Variants in PCDH7 observed in about 807,000 individuals in gnomAD.
PCDH7 encodes the protein protocadherin 7, also known as protocadherin-7.
A neutral mutation model predicts 58.9 loss-of-function variants in PCDH7; 17 were observed. That is an observed-to-expected ratio of 0.29 (90% CI 0.20 to 0.43). The LOEUF is 0.43. Among genes scored for constraint, PCDH7 ranks in the 20% least tolerant of loss-of-function variants. PCDH7 has a pLI of 1.00. For synonymous variants in PCDH7, 664 were observed against 616.4 expected (o/e 1.08, Z -1.14); for missense variants, 1,274 against 1,441.0 (o/e 0.88, Z 1.88).
Position 30,721,506 on chromosome 4 carries a change from G to T in PCDH7, c.84G>T (p.Ala28=), listed in dbSNP as rs780054863. 1.9e-6 allele frequency: 3 copies of T among 1,599,014 alleles called. No individual in the cohort carries two copies. The highest frequency in any genetic ancestry group is 2.5e-6 in the Non-Finnish European group (3 of 1,178,402). The stretch of plus-strand genomic sequence containing the variant: ...TCCTGCCGCTCTCGCTCAGCCTGGC[G>T]GCCGCCAAGCAGCTCCTCCGGTACC... The change falls in exon 1 of 2, where the codon GCG becomes GCT. Residue 28 remains alanine, a synonymous_variant. Transcript: ENST00000361762. This position sits in a 1 kb window ranked among gnomAD's most constrained non-coding sequence, Gnocchi z 6.7.
At chr4:30,892,066 T>G (rs1005400422) in intron 1 of PCDH7, among the ~76,000 whole-genome samples, 2 of 152,040 alleles carry the variant, frequency 1.3e-5, no homozygotes, top group Non-Finnish European at 2.9e-5. Context: ...AAATTTCTGT[T>G]TATGTTGCTT....
intron 1 of PCDH7, among the ~76,000 whole-genome samples, chr4:30,911,577 A>G (rs1429548077): frequency 1.3e-5 from 2 of 152,170 alleles, no homozygotes; most frequent in Admixed American, 6.5e-5. Context: ...GAGGAACCAC[A>G]ATTTGTGTTT....
intron 1 of PCDH7, among the ~76,000 whole-genome samples, chr4:30,868,318 A>G (rs1427231313): frequency 1.3e-5 from 2 of 152,130 alleles, no homozygotes; most frequent in African/African-American, 2.4e-5. Context: ...GCATGCTAGC[A>G]TCATACAAAA....
At chr4:30,950,342 A>G (rs1454348537) in intron 3 of PCDH7, 4 of 152,480 alleles carry the variant, frequency 2.6e-5, no homozygotes, top group African/African-American at 7.2e-5. Flanking sequence ...GAATTGTTCA[A>G]CTTGAGTTTA....
chr4:30,865,330 C>T (rs749474064), intron 1 of PCDH7, among the ~76,000 whole-genome samples: 3 of 151,734 alleles, frequency 2.0e-5, no homozygotes, highest in Non-Finnish European at 4.4e-5. Flanking sequence ...GGAGAGTGAT[C>T]GATATTTATA....
intron 1 of PCDH7, among the ~76,000 whole-genome samples, chr4:30,820,018 A>C (rs1484456387): frequency 6.6e-6 from 1 of 152,154 alleles, no homozygotes; most frequent in East Asian, 1.9e-4. Flanking sequence ...CAATTAAGAG[A>C]GTAAAAATGC....
chr4:30,894,498 TATATATATATATA>T (rs1323427144), intron 1 of PCDH7, among the ~76,000 whole-genome samples: 1 of 31,006 alleles, frequency 3.2e-5, no homozygotes, highest in Non-Finnish European at 5.7e-5. Context: ...AAAATATATA[TATATATATATATA>T]TATATACACA....
At chr4:30,946,680 C>T (rs1746720765) in intron 2 of PCDH7, among the ~76,000 whole-genome samples, 1 of 118,382 alleles carries the variant, frequency 8.4e-6, no homozygotes, top group Non-Finnish European at 1.8e-5. Flanking sequence ...TATTTAACGC[C>T]TTATCTCTTT....
chr4:30,933,719 T>C (rs1303106306), intron 2 of PCDH7, among the ~76,000 whole-genome samples: 1 of 152,234 alleles, frequency 6.6e-6, no homozygotes, highest in East Asian at 1.9e-4. Flanking sequence ...TACCTGCTGT[T>C]ACTCTTGTGT....
chr4:30,879,107 G>T (rs185085214), intron 1 of PCDH7, among the ~76,000 whole-genome samples: 423 of 141,990 alleles, frequency 3.0e-3, no homozygotes, highest in Non-Finnish European at 4.8e-3. Flanking sequence ...GGAGATGGAG[G>T]TTTCTCTGGA....
At chr4:30,793,349 G>C (rs904906524) in intron 1 of PCDH7, among the ~76,000 whole-genome samples, 1 of 152,130 alleles carries the variant, frequency 6.6e-6, no homozygotes, top group Non-Finnish European at 1.5e-5. Context: ...GGATTAAAGA[G>C]CATGATTAGA....
chr4:30,979,830 A>T (rs1406721479), intron 3 of PCDH7, among the ~76,000 whole-genome samples: 1 of 151,960 alleles, frequency 6.6e-6, no homozygotes, highest in Non-Finnish European at 1.5e-5. Context: ...ATTGAGCCTG[A>T]TTTTTCAATA....
intron 3 of PCDH7, among the ~76,000 whole-genome samples, chr4:31,072,614 T>C (rs1398658650): frequency 6.6e-6 from 1 of 151,900 alleles, no homozygotes; most frequent in East Asian, 1.9e-4. Flanking sequence ...ACTTTAAGAG[T>C]GAGGAACACC....
At chr4:30,977,019 T>A (rs1750132904) in intron 3 of PCDH7, among the ~76,000 whole-genome samples, 1 of 152,200 alleles carries the variant, frequency 6.6e-6, no homozygotes, top group Non-Finnish European at 1.5e-5. Context: ...ATTGAAAATA[T>A]ATGGTTATTT....
intron 3 of PCDH7, among the ~76,000 whole-genome samples, chr4:31,116,865 C>T (rs893115330): frequency 2.6e-5 from 4 of 151,798 alleles, no homozygotes; most frequent in African/African-American, 4.8e-5. Context: ...GACGGAGTTT[C>T]GCTCTTCTTG....
At chr4:30,985,980 T>C (rs934380699) in intron 3 of PCDH7, among the ~76,000 whole-genome samples, 1 of 152,202 alleles carries the variant, frequency 6.6e-6, no homozygotes, top group African/African-American at 2.4e-5. Context: ...ACAACAATGG[T>C]GTGTTACACC....
chr4:30,983,426 C>T (rs1307777205), intron 3 of PCDH7, among the ~76,000 whole-genome samples: 1 of 152,170 alleles, frequency 6.6e-6, no homozygotes, highest in Non-Finnish European at 1.5e-5. Flanking sequence ...TTTAAAGTCA[C>T]TGCACGGGTC....
chr4:31,126,978 G>A (rs1331935377), intron 3 of PCDH7, among the ~76,000 whole-genome samples: 1 of 152,188 alleles, frequency 6.6e-6, no homozygotes, highest in Non-Finnish European at 1.5e-5. Flanking sequence ...AGCCAGTGAA[G>A]TGAATTCATT....
At chr4:31,059,657 G>A (rs1282632807) in intron 3 of PCDH7, among the ~76,000 whole-genome samples, 1 of 151,748 alleles carries the variant, frequency 6.6e-6, no homozygotes, top group East Asian at 1.9e-4. Context: ...AATAATCTGG[G>A]AAAACGAAAA....
Sources: allele counts gnomAD v4.1 joint callset (sites outside exome capture counted in the v4.1 genomes callset), GRCh38; gene constraint gnomAD v4.1.1; non-coding constraint Gnocchi (gnomAD v3.1); transcripts MANE v1.5; gene names NCBI Gene and HGNC (gene_info 2026-07-23, HGNC 2026-07-21).